Variants in QTRT2 observed in about 807,000 individuals in gnomAD.
QTRT2 encodes queuine tRNA-ribosyltransferase accessory subunit 2.
In QTRT2, 32 loss-of-function variants were observed where a neutral mutation model predicts 44.8. The ratio of observed to expected loss-of-function variants is 0.71; its 90% CI spans 0.54 to 0.96. The LOEUF (loss-of-function observed/expected upper bound fraction) is 0.96. Among genes scored for constraint, QTRT2 ranks in the 40% least tolerant of loss-of-function variants. The probability of loss-of-function intolerance (pLI) is 0.00; values close to 1 mark genes in which losing one functional copy is unlikely to be tolerated. For missense variants in QTRT2, 461 were observed against 503.1 expected (o/e 0.92, Z 0.80); for synonymous variants, 182 against 187.4 (o/e 0.97, Z 0.24).
At position 114,086,167 on chromosome 3, in the gene QTRT2, C is replaced by G; in HGVS notation, c.*263C>G. ...CTAATTCTTTTAGTTGATAGAGATT[C>G]ATTTAGTCAAAGACAAAAGCTTTAA... is the stretch of plus-strand genomic sequence containing the variant. On this transcript the variant is annotated 3_prime_UTR_variant, in exon 10 of 10. Transcript: ENST00000281273. The G allele has an allele frequency of 2.4e-6, 1 of 408,424 alleles. No individual in the cohort carries two copies. Among genetic ancestry groups the G allele is most frequent in the Non-Finnish European group, 4.6e-6 (1 of 217,600 alleles). The allele number at this position is 408,424 out of a possible 1,614,324, so 25.3% of individuals were successfully genotyped here. A position where few individuals can be genotyped will look rare whatever the true frequency, so the allele number is the denominator to read the frequency against.
At chr3:114,063,060 C>T (rs560315723) in intron 2 of QTRT2, among the ~76,000 whole-genome samples, 4 of 152,302 alleles carry the variant, frequency 2.6e-5, no homozygotes, top group Non-Finnish European at 4.4e-5. Flanking sequence ...GTAGGAAATG[C>T]GTAAGTTACT....
intron 7 of QTRT2, chr3:114,079,155 G>T (rs563987545): frequency 6.6e-6 from 1 of 152,312 alleles, no homozygotes; most frequent in South Asian, 2.1e-4. Flanking sequence ...GCTATAAAGG[G>T]CTATAAAGTT....
At chr3:114,083,847 C>T (rs1310561431) in intron 9 of QTRT2, among the ~76,000 whole-genome samples, 1 of 151,982 alleles carries the variant, frequency 6.6e-6, no homozygotes, top group Non-Finnish European at 1.5e-5. Flanking sequence ...CCTTTTTTTT[C>T]TGTCATCCAC....
chr3:114,083,675 A>T (rs1410615321), intron 9 of QTRT2, among the ~76,000 whole-genome samples: 12 of 152,126 alleles, frequency 7.9e-5, no homozygotes, highest in Admixed American at 7.9e-4. Flanking sequence ...CTATCTAGTG[A>T]TAGTACAGAC....
chr3:114,076,322 G>T (rs538449991), intron 6 of QTRT2, among the ~76,000 whole-genome samples: 1 of 152,012 alleles, frequency 6.6e-6, no homozygotes, highest in Non-Finnish European at 1.5e-5. Flanking sequence ...ACAAGCCACC[G>T]TGCCCAGCTA....
chr3:114,068,283 G>C (rs1457101988), intron 5 of QTRT2: 1 of 392,446 alleles, frequency 2.5e-6, no homozygotes, highest in East Asian at 3.9e-5. Flanking sequence ...CATTTTCATT[G>C]TTGCAAAAAA....
chr3:114,086,060 A>AG lies in QTRT2; in HGVS notation c.*159dup, dbSNP rs2077233397. ...ATCTTTGTACCAAACTGCCCACATG[A>AG]GGGTGAAGAGATTTCCTCAAAAGAC... On this transcript the variant is annotated 3_prime_UTR_variant, in exon 10 of 10. Transcript: ENST00000281273. 2 of 629,548 alleles carry AG rather than the reference A, an allele frequency of 3.2e-6. No homozygotes were observed. Among genetic ancestry groups the AG allele is most frequent in the Non-Finnish European group, 5.5e-6 (2 of 364,928 alleles). The allele number at this position is 629,548 out of a possible 1,614,324, so 39.0% of individuals were successfully genotyped here.
intron 9 of QTRT2, among the ~76,000 whole-genome samples, chr3:114,084,735 A>G (rs2077213950): frequency 1.3e-5 from 2 of 152,190 alleles, no homozygotes; most frequent in Admixed American, 1.3e-4. Context: ...TGGATGAGAA[A>G]CAAGTCACAG....
chr3:114,064,808 C>T (rs1323920661), intron 2 of QTRT2, among the ~76,000 whole-genome samples: 1 of 152,120 alleles, frequency 6.6e-6, no homozygotes, highest in Non-Finnish European at 1.5e-5. Flanking sequence ...ATTGCTTAGC[C>T]TTCCCTCAAA....
chr3:114,074,046 C>A (rs952898826), intron 6 of QTRT2, among the ~76,000 whole-genome samples: 1 of 152,102 alleles, frequency 6.6e-6, no homozygotes, highest in Non-Finnish European at 1.5e-5. Flanking sequence ...TGGTTTCAAC[C>A]GAGGTGGTCG....
chr3:114,079,924 T>C lies in QTRT2; in HGVS notation c.765T>C (p.Ser255=), dbSNP rs534984942. 1 of 1,613,724 alleles carries C rather than the reference T, an allele frequency of 6.2e-7. No individual in the cohort carries two copies. The highest frequency in any genetic ancestry group is 1.7e-4 in the Middle Eastern group (1 of 6,060). ...EDKPRLISGV[S]RPDEVLECIE... is the part of the protein sequence containing the mutation. ...TTTACAGGCTCATATCTGGTGTTAG[T>C]CGGCCAGATGAGGTGCTCGAGTGTA... is the stretch of plus-strand genomic sequence containing the variant. Residue 255 remains serine, a synonymous_variant, in exon 8 of 10, where the codon AGT becomes AGC. Coordinates refer to ENST00000281273, the MANE Select transcript of QTRT2 (RefSeq NM_024638.4).
intron 6 of QTRT2, among the ~76,000 whole-genome samples, chr3:114,073,759 G>GC (rs35712064): frequency 0.54 from 81,996 of 151,676 alleles, 22,563 homozygotes; most frequent in African/African-American, 0.63. Context: ...TATTAATAGT[G>GC]CCCCCCCATT....
chr3:114,060,998 A>G (rs931623210), intron 2 of QTRT2, among the ~76,000 whole-genome samples: 2 of 152,200 alleles, frequency 1.3e-5, no homozygotes, highest in Non-Finnish European at 2.9e-5. Context: ...AGATTTCATT[A>G]TGCTACTCAG....
intron 2 of QTRT2, 118 bp downstream of exon 2, chr3:114,057,224 G>C (rs2076808799): frequency 3.3e-6 from 1 of 300,604 alleles, no homozygotes. Flanking sequence ...ATGGAGCAAA[G>C]ATAAATCCAG....
At chr3:114,063,466 C>T (rs1373540859) in intron 2 of QTRT2, among the ~76,000 whole-genome samples, 1 of 151,994 alleles carries the variant, frequency 6.6e-6, no homozygotes, top group Non-Finnish European at 1.5e-5. Flanking sequence ...TAATGTGTAA[C>T]AATAGGGTAT....
At position 114,085,896 on chromosome 3, in the gene QTRT2, G is replaced by A; in HGVS notation, c.1240G>A (p.Ala414Thr). The A allele has an allele frequency of 1.2e-6, 2 of 1,613,084 alleles. No homozygotes were observed. Among genetic ancestry groups the A allele is most frequent in the South Asian group, 1.1e-5 (1 of 91,012 alleles). The change falls in exon 10 of 10, where the codon GCA (alanine) becomes ACA (threonine). Residue 414 changes from alanine (A) to threonine (T), a missense_variant. Coordinates refer to ENST00000281273, the MANE Select transcript of QTRT2 (RefSeq NM_024638.4). Reference sequence around the variant, plus strand: ...GTTGAAAGAGCTCATCCACAGGCAAGCATCTTGAGATCTTGCAAATACAAG... The same window carrying A: ...GTTGAAAGAGCTCATCCACAGGCAAACATCTTGAGATCTTGCAAATACAAG... Reference protein sequence around the residue: ...AQLKELIHRQAS With the variant: ...AQLKELIHRQTS
chr3:114,076,908 T>G lies in QTRT2; in HGVS notation c.712T>G (p.Ser238Ala), dbSNP rs1184688766. 1.2e-6 allele frequency: 2 copies of G among 1,614,160 alleles called. No individual in the cohort carries two copies. Among genetic ancestry groups the G allele is most frequent in the Middle Eastern group, 1.7e-4 (1 of 6,058 alleles). ...TLEARLRLLS[S>A]VTAELPEDKP... is the part of the protein sequence containing the mutation. ...GGAGGCTAGACTACGCTTGCTGTCA[T>G]CAGTCACTGCAGAGCTGCCGGAGGA... Residue 238 changes from serine to alanine, a missense_variant, in exon 7 of 10, where the codon TCA becomes GCA. Physicochemically the swap from Ser to Ala is moderately conservative, Grantham distance 99. Transcript: ENST00000281273.
At position 114,080,030 on chromosome 3, in the gene QTRT2, G is replaced by C. The variant is rs755804232; in HGVS notation, c.871G>C (p.Asp291His). The C allele has an allele frequency of 1.2e-6, 2 of 1,610,524 alleles. No homozygotes were observed. The highest frequency in any genetic ancestry group is 1.1e-5 in the South Asian group (1 of 90,548). Residue 291 changes from aspartate to histidine, a missense_variant, in exon 8 of 10, where the codon GAT becomes CAT. Transcript: ENST00000281273. Reference protein sequence around the residue: ...ERGCALTFSFDYQPNPEETLL... With the variant: ...ERGCALTFSFHYQPNPEETLL... The stretch of plus-strand genomic sequence containing the variant: ...GGGATGTGCCCTGACTTTCAGTTTT[G>C]ATTACCAGCCGAATCCTGAAGAGAC...
chr3:114,074,389 C>T, intron 6 of QTRT2, among the ~76,000 whole-genome samples: 1 of 152,164 alleles, frequency 6.6e-6, no homozygotes, highest in East Asian at 1.9e-4. Flanking sequence ...TTGTCTTTAT[C>T]CTCTCCTTGG....
Sources: allele counts gnomAD v4.1 joint callset (sites outside exome capture counted in the v4.1 genomes callset), GRCh38; gene constraint gnomAD v4.1.1; transcripts MANE v1.5; gene names NCBI Gene and HGNC (gene_info 2026-07-23, HGNC 2026-07-21).